LPP: variants seen among roughly 807,000 people sequenced by gnomAD.
The protein encoded by LPP is lipoma-preferred partner.
LPP carries 38 observed loss-of-function variants against 60.4 expected under a neutral mutation model. The ratio of observed to expected loss-of-function variants is 0.63; its 90% confidence interval spans 0.49 to 0.83. The LOEUF is 0.83. LPP is among the 40% of genes least tolerant of loss of function. The pLI is 0.00. For missense variants in LPP, 902 were observed against 783.6 expected (o/e 1.15, Z -1.80); for synonymous variants, 328 against 290.8 (o/e 1.13, Z -1.30).
At chr3:188,419,063 G>GTTC (rs1310652304) in intron 4 of LPP, among the ~76,000 whole-genome samples, 3 of 152,134 alleles carry the variant, frequency 2.0e-5, no homozygotes, top group Non-Finnish European at 4.4e-5. Flanking sequence ...AAATCTCCAA[G>GTTC]TTCTATGAGG....
intron 7 of LPP, among the ~76,000 whole-genome samples, chr3:188,632,244 C>T (rs1000737344): frequency 6.6e-6 from 1 of 152,078 alleles, no homozygotes; most frequent in African/African-American, 2.4e-5. Flanking sequence ...TACAGCACTG[C>T]ATAGAAAGTA....
chr3:188,624,827 CTTTGGTGTG>C, intron 7 of LPP, among the ~76,000 whole-genome samples: 1 of 113,962 alleles, frequency 8.8e-6, no homozygotes. Context: ...TTTCTCTCTT[CTTTGGTGTG>C]CTGAGAATAA....
Position 188,287,650 on chromosome 3 carries a change from G to A in LPP, c.-66-54013G>A, listed in dbSNP as rs116072177. 8.3e-3 allele frequency among the ~76,000 whole-genome samples: 1,261 copies of A among 152,222 alleles called. 16 individuals carry two copies. The highest frequency in any genetic ancestry group is 0.027 in the African/African-American group (1,139 of 41,534). On this transcript the variant is annotated intron_variant, in intron 2 of 11. Coordinates refer to ENST00000617246, the MANE Select transcript of LPP (RefSeq NM_001375462.1). The stretch of plus-strand genomic sequence containing the variant: ...TAGGAAGGTGGATGAAGGAAAAAAA[G>A]AAGCATTTTATTGCTTCATTCTTTA...
chr3:188,248,494 A>ATATATATATATATATATATATATG (rs1371178264), intron 2 of LPP, among the ~76,000 whole-genome samples: 4 of 139,836 alleles, frequency 2.9e-5, no homozygotes, highest in African/African-American at 8.3e-5. Flanking sequence ...ATATATATAT[A>ATATATATATATATATATATATATG]TATACAGTCA....
intron 8 of LPP, among the ~76,000 whole-genome samples, chr3:188,736,671 A>AGATG (rs1012398748): frequency 2.5e-4 from 38 of 151,812 alleles, no homozygotes; most frequent in South Asian, 4.2e-4. Flanking sequence ...GATAAATATC[A>AGATG]GATGGATGGA....
At chr3:188,537,115 A>T (rs1035155929) in intron 6 of LPP, among the ~76,000 whole-genome samples, 6 of 152,228 alleles carry the variant, frequency 3.9e-5, no homozygotes, top group African/African-American at 1.4e-4. Flanking sequence ...CCCATCATCT[A>T]GTCTAGCATA....
chr3:188,701,944 C>CTTTTTTTTTT (rs35803152), intron 7 of LPP, among the ~76,000 whole-genome samples: 67 of 83,564 alleles, frequency 8.0e-4, no homozygotes, highest in Non-Finnish European at 1.0e-3. Flanking sequence ...GTTTTTTTCC[C>CTTTTTTTTTT]TTTTTTTTTT....
At chr3:188,621,140 A>C (rs1052146675) in intron 7 of LPP, among the ~76,000 whole-genome samples, 3 of 89,746 alleles carry the variant, frequency 3.3e-5, no homozygotes, top group Non-Finnish European at 7.3e-5. Flanking sequence ...ATTTTATTCC[A>C]AAAAAAAAAA....
chr3:188,209,433 G>T (rs1350753186), intron 1 of LPP, among the ~76,000 whole-genome samples: 1 of 152,174 alleles, frequency 6.6e-6, no homozygotes, highest in Admixed American at 6.5e-5. Flanking sequence ...TCTCTTTTTA[G>T]AAAGACACAG....
chr3:188,441,026 A>ATG (rs10671285), intron 4 of LPP, among the ~76,000 whole-genome samples: 66,537 of 146,296 alleles, frequency 0.45, 16,220 homozygotes, highest in East Asian at 0.89. Context: ...CTCCCTTAAT[A>ATG]TGTGTGTGTG....
chr3:188,561,709 T>A (rs1830729977), intron 6 of LPP, among the ~76,000 whole-genome samples: 1 of 152,104 alleles, frequency 6.6e-6, no homozygotes, highest in African/African-American at 2.4e-5. Context: ...CCCACTTGAT[T>A]AAATTACTCT....
chr3:188,326,444 T>G (rs1158823138), intron 2 of LPP, among the ~76,000 whole-genome samples: 1 of 152,226 alleles, frequency 6.6e-6, no homozygotes, highest in Non-Finnish European at 1.5e-5. Context: ...AATTGCACTT[T>G]TGCCAAAACA....
intron 3 of LPP, among the ~76,000 whole-genome samples, chr3:188,386,259 TGCGC>T (rs59109159): frequency 0.2 from 24,453 of 125,210 alleles, 2,365 homozygotes; most frequent in East Asian, 0.38. Flanking sequence ...AGTCATAGCA[TGCGC>T]GCACACACAC....
intron 7 of LPP, among the ~76,000 whole-genome samples, chr3:188,622,301 A>G (rs1480611518): frequency 6.6e-6 from 1 of 152,058 alleles, no homozygotes; most frequent in Non-Finnish European, 1.5e-5. Flanking sequence ...GACATGACTT[A>G]CCCAATACTC....
intron 9 of LPP, among the ~76,000 whole-genome samples, chr3:188,772,030 G>T (rs770054709): frequency 6.6e-6 from 1 of 152,172 alleles, no homozygotes. Context: ...CTTTTGCAAG[G>T]CTCCTGGGAC....
At chr3:188,835,294 T>TA (rs1425083542) in intron 9 of LPP, among the ~76,000 whole-genome samples, 3 of 93,238 alleles carry the variant, frequency 3.2e-5, no homozygotes, top group African/African-American at 8.5e-5. Context: ...CTGTCTCTAC[T>TA]AAAAATACAA....
intron 7 of LPP, among the ~76,000 whole-genome samples, chr3:188,664,112 G>A (rs1490382929): frequency 1.3e-5 from 2 of 152,216 alleles, no homozygotes; most frequent in Non-Finnish European, 2.9e-5. Flanking sequence ...GGACAGAGCT[G>A]CAATGAGGTT....
At chr3:188,296,674 T>G (rs1748003638) in intron 2 of LPP, among the ~76,000 whole-genome samples, 1 of 152,152 alleles carries the variant, frequency 6.6e-6, no homozygotes, top group Non-Finnish European at 1.5e-5. Flanking sequence ...TGTGGAACAT[T>G]AGCTCATTGG....
chr3:188,377,965 G>A (rs1775679440), intron 3 of LPP, among the ~76,000 whole-genome samples: 1 of 152,170 alleles, frequency 6.6e-6, no homozygotes, highest in Non-Finnish European at 1.5e-5. Context: ...GTTTGCTAGA[G>A]GTACACTCCA....
Sources: allele counts gnomAD v4.1 joint callset (sites outside exome capture counted in the v4.1 genomes callset), GRCh38; gene constraint gnomAD v4.1.1; transcripts MANE v1.5; gene names NCBI Gene and HGNC (gene_info 2026-07-23, HGNC 2026-07-21).